Variants in C3orf22 observed in about 807,000 individuals in gnomAD.
C3orf22 encodes the protein uncharacterized protein C3orf22.
C3orf22 carries 7 observed loss-of-function variants against 10.8 expected under a neutral mutation model. That is an observed-to-expected ratio of 0.65 (90% CI 0.37 to 1.22). C3orf22 has a LOEUF of 1.22. Among genes scored for constraint, C3orf22 ranks in the 50% most tolerant of loss-of-function variants. The pLI, the probability that C3orf22 is intolerant of heterozygous loss-of-function variation, is 0.02. For missense variants in C3orf22, 173 were observed against 177.0 expected, an observed-to-expected ratio of 0.98 and a Z score of 0.13; for synonymous variants, 79 against 78.9, an observed-to-expected ratio of 1.00 and a Z score of 0.00.
downstream of C3orf22, among the ~76,000 whole-genome samples, chr3:126,548,741 T>G (rs1376071679): frequency 2.0e-5 from 3 of 152,172 alleles, no homozygotes; most frequent in Non-Finnish European, 4.4e-5. Flanking sequence ...ACCACAGATG[T>G]GACTCCAGGG....
chr3:126,542,552 G>C (rs564359850), intron 4 of C3orf22: 2 of 1,514,112 alleles, frequency 1.3e-6, no homozygotes, highest in East Asian at 2.6e-5. Flanking sequence ...CAACTACTCC[G>C]CCCCCTCCTA....
chr3:126,535,739 T>G (rs924030529), intron 4 of C3orf22, among the ~76,000 whole-genome samples: 1 of 152,262 alleles, frequency 6.6e-6, no homozygotes, highest in African/African-American at 2.4e-5. Flanking sequence ...TATTCCCTGA[T>G]GGGGAAGCAC....
chr3:126,529,264 G>C (rs111630412), exon 5 of C3orf22: 22 of 1,220,930 alleles, frequency 1.8e-5, no homozygotes, highest in Non-Finnish European at 2.4e-5. Flanking sequence ...GCAACATGAC[G>C]TGTGCGGGTG....
chr3:126,541,853 G>A, intron 4 of C3orf22: 1 of 1,586,826 alleles, frequency 6.3e-7, no homozygotes, highest in Non-Finnish European at 8.6e-7. Flanking sequence ...GCACGTGCTG[G>A]TGGACGACGC....
chr3:126,536,427 C>A, intron 4 of C3orf22: 2 of 1,178,074 alleles, frequency 1.7e-6, no homozygotes, highest in South Asian at 1.3e-5. Flanking sequence ...ACAGTGCAGA[C>A]CTGCTGGCAT....
downstream of C3orf22, among the ~76,000 whole-genome samples, chr3:126,546,214 G>C (rs992045988): frequency 1.3e-5 from 2 of 152,214 alleles, no homozygotes; most frequent in African/African-American, 2.4e-5. Context: ...AGAAGGCTGG[G>C]TGTGCAGGAG....
At chr3:126,542,537 CT>C in intron 4 of C3orf22, 2 of 1,533,532 alleles carry the variant, frequency 1.3e-6, no homozygotes, top group South Asian at 2.5e-5. Context: ...GGACTTCCTG[CT>C]TTTCAACTAC....
intron 1 of C3orf22, among the ~76,000 whole-genome samples, chr3:126,556,073 T>C (rs1937321335): frequency 6.6e-6 from 1 of 152,224 alleles, no homozygotes; most frequent in African/African-American, 2.4e-5. Flanking sequence ...TGTGCACTGC[T>C]TTGGTGGGGA....
In C3orf22 at chr3:126,541,719, C is replaced by T. The variant is rs1466509803; in HGVS notation, c.286+7818G>A. 22 of 1,443,652 alleles carry T rather than the reference C, an allele frequency of 1.5e-5. No homozygotes were observed. The South Asian group carries it at 3.1e-4, about 21-fold the overall frequency. The allele number at this position is 1,443,652 out of a possible 1,614,324, so 89.4% of individuals were successfully genotyped here. ...CCTGACGCGTCCCCCTGTCCCGTCT[C>T]CTGTCGCCCACAGGACCCGCGCTCG... is the stretch of plus-strand genomic sequence containing the variant. On this transcript the variant is annotated intron_variant and NMD_transcript_variant, in intron 4 of 5. Coordinates refer to the C3orf22 transcript ENST00000505070.
At chr3:126,541,671 CAG>C (rs1172382440) in intron 4 of C3orf22, 3 of 1,356,690 alleles carry the variant, frequency 2.2e-6, no homozygotes, top group Admixed American at 3.5e-5. Context: ...GGGGCAGCGC[CAG>C]AGTCAGGGAG....
exon 5 of C3orf22, chr3:126,529,362 G>T: frequency 7.8e-7 from 1 of 1,289,290 alleles, no homozygotes; most frequent in Non-Finnish European, 1.0e-6. Flanking sequence ...AGTGAAATGG[G>T]GCCCACTTGC....
intron 4 of C3orf22, among the ~76,000 whole-genome samples, chr3:126,543,802 C>G (rs1937023727): frequency 6.6e-6 from 1 of 152,124 alleles, no homozygotes; most frequent in Admixed American, 6.5e-5. Flanking sequence ...CCACTTGTCT[C>G]TGAGCTCCCC....
intron 2 of C3orf22, 53 bp from the exon 3 acceptor site, chr3:126,552,175 G>A: frequency 2.5e-6 from 4 of 1,610,456 alleles, no homozygotes; most frequent in Non-Finnish European, 3.4e-6. Context: ...GCCTCCTGAA[G>A]TAACTCTCAC....
intron 1 of C3orf22, among the ~76,000 whole-genome samples, chr3:126,554,931 T>C (rs1167799904): frequency 2.0e-5 from 3 of 152,160 alleles, no homozygotes; most frequent in Admixed American, 1.3e-4. Context: ...TCTGAGATGA[T>C]GGAAATGCCC....
At chr3:126,542,221 G>A in intron 4 of C3orf22, 1 of 1,486,932 alleles carries the variant, frequency 6.7e-7, no homozygotes, top group Admixed American at 2.4e-5. Context: ...GCCACGACGT[G>A]CGCTTCGCGG....
At chr3:126,541,994 C>A in intron 4 of C3orf22, 1 of 1,561,826 alleles carries the variant, frequency 6.4e-7, no homozygotes, top group African/African-American at 1.4e-5. Context: ...CGCGCCTGGC[C>A]GCCTGCCCTC....
At chr3:126,533,060 T>C (rs1936691183) in intron 4 of C3orf22, among the ~76,000 whole-genome samples, 1 of 152,254 alleles carries the variant, frequency 6.6e-6, no homozygotes, top group African/African-American at 2.4e-5. Flanking sequence ...TAGAATATAA[T>C]TGACTTTTGT....
Position 126,540,558 on chromosome 3 carries a change from T to G in C3orf22, c.286+8979A>C, listed in dbSNP as rs112324231. Among the ~76,000 whole-genome samples the G allele has an allele frequency of 1.2e-3, 190 of 152,344 alleles. 1 individual carries two copies. In the Middle Eastern group the frequency reaches 0.014, roughly 11 times the overall value. On this transcript the variant is annotated intron_variant and NMD_transcript_variant, in intron 4 of 5. Coordinates refer to the C3orf22 transcript ENST00000505070. ...AGGTCAGCCCATGTGGCAGCATGTGTCAGCACCGCATTCCTTTCATGGCTG... is the reference window on the plus strand; with the variant it reads ...AGGTCAGCCCATGTGGCAGCATGTGGCAGCACCGCATTCCTTTCATGGCTG...
Position 126,553,286 on chromosome 3 carries a change from T to A in C3orf22, c.89+16A>T, listed in dbSNP as rs199704061. 6.1e-5 allele frequency: 96 copies of A among 1,576,392 alleles called. 2 individuals are homozygous for A. The East Asian group carries it at 1.4e-3, about 23-fold the overall frequency. On this transcript the variant is annotated intron_variant, in intron 2 of 3. Coordinates refer to ENST00000318225, the MANE Select transcript of C3orf22 (RefSeq NM_152533.3). ...GGGAGGCAGGGCTTGTCTCCAGAGG[T>A]GTCAGCCTCCCGCACCTGTACGGAA...
Sources: gnomAD v4.1 joint callset for allele counts (sites outside exome capture counted in the v4.1 genomes callset) on GRCh38, gnomAD v4.1.1 for gene constraint, MANE v1.5 for transcripts, NCBI Gene and HGNC (gene_info 2026-07-23, HGNC 2026-07-21) for gene names.